Variants in TLN2 observed in about 807,000 individuals in gnomAD.
The protein encoded by TLN2 is talin 2.
In TLN2, 118 loss-of-function variants were observed where a neutral mutation model predicts 294.7. That is an observed-to-expected ratio of 0.40 (90% CI 0.34 to 0.47). The LOEUF (loss-of-function observed/expected upper bound fraction) is 0.47, where lower values mean the gene tolerates loss of function less well. Among genes scored for constraint, TLN2 ranks in the 20% least tolerant of loss-of-function variants. The pLI, the probability that TLN2 is intolerant of heterozygous loss-of-function variation, is 0.84. For synonymous variants in TLN2, 1,431 were observed against 1,304.5 expected, an observed-to-expected ratio of 1.10 and a Z score of -2.09; for missense variants, 3,083 against 3,282.2, an observed-to-expected ratio of 0.94 and a Z score of 1.48.
chr15:62,670,393 C>G (rs1045213962), intron 9 of TLN2, among the ~76,000 whole-genome samples: 3 of 152,196 alleles, frequency 2.0e-5, no homozygotes, highest in Non-Finnish European at 4.4e-5. Context: ...AAGTCTTTAC[C>G]TCTCTGAAAC....
In TLN2 at chr15:62,652,256, G is replaced by C. The variant is rs564090118; in HGVS notation, c.364+122G>C. The C allele has an allele frequency of 5.9e-5, 62 of 1,050,422 alleles. No individual in the cohort carries two copies. The African/African-American group carries it at 7.4e-4, about 13-fold the overall frequency. The allele number at this position is 1,050,422 out of a possible 1,614,324, so 65.1% of individuals were successfully genotyped here. ...AATGTGTCTTAACACGCCGAGTTCTGCCTAATCCCCAGAGGGTGTGTCCAT... is the reference window on the plus strand; with the variant it reads ...AATGTGTCTTAACACGCCGAGTTCTCCCTAATCCCCAGAGGGTGTGTCCAT... On this transcript the variant is annotated intron_variant, in intron 6 of 58. Coordinates refer to ENST00000636159, the MANE Select transcript of TLN2 (RefSeq NM_015059.3).
chr15:62,656,915 C>T (rs2053273393), intron 8 of TLN2, among the ~76,000 whole-genome samples: 1 of 152,154 alleles, frequency 6.6e-6, no homozygotes, highest in African/African-American at 2.4e-5. Context: ...GACTGTGTGG[C>T]CCAGGAGGTT....
intron 46 of TLN2, among the ~76,000 whole-genome samples, chr15:62,793,219 G>A (rs1361629654): frequency 2.6e-5 from 4 of 152,222 alleles, no homozygotes; most frequent in Non-Finnish European, 4.4e-5. Flanking sequence ...AATCCCTTTG[G>A]TGTAACCTCT....
chr15:62,740,234 C>T (rs2061251406), intron 31 of TLN2, among the ~76,000 whole-genome samples: 1 of 152,082 alleles, frequency 6.6e-6, no homozygotes, highest in Non-Finnish European at 1.5e-5. Flanking sequence ...TCGTTTGTGC[C>T]AGGCCGAGAT....
chr15:62,705,522 G>A (rs1021383116), intron 19 of TLN2, among the ~76,000 whole-genome samples: 15 of 152,076 alleles, frequency 9.9e-5, no homozygotes, highest in African/African-American at 3.4e-4. Context: ...ATTAATAAGA[G>A]GAACAGGATT....
chr15:62,591,986 G>C (rs1205090245), intron 2 of TLN2, among the ~76,000 whole-genome samples: 1 of 152,086 alleles, frequency 6.6e-6, no homozygotes, highest in Admixed American at 6.5e-5. Context: ...GATCTATGCC[G>C]TTACCAAGAC....
Position 62,842,770 on chromosome 15 carries a change from T to C in TLN2, c.*2160T>C, listed in dbSNP as rs965419173. 9.2e-5 allele frequency: 14 copies of C among 152,184 alleles called. No individual in the cohort carries two copies. Among genetic ancestry groups the C allele is most frequent in the Non-Finnish European group, 1.6e-4 (11 of 68,034 alleles). 9.4% of individuals were successfully genotyped at this position (152,184 alleles called of 1,614,324 possible). On this transcript the variant is annotated 3_prime_UTR_variant, in exon 59 of 59. Transcript: ENST00000636159. ...CTCTAAAGAACAGGCATCGAAAGTT[T>C]ATTTTTGTAGGAGCTATATAAATAC...
chr15:62,656,110 C>T (rs2053176354), intron 8 of TLN2, 24 bp downstream of exon 8: 1 of 1,609,152 alleles, frequency 6.2e-7, no homozygotes, highest in South Asian at 1.1e-5. Flanking sequence ...TGCTCAGACA[C>T]TGAGGTTGGT....
At chr15:62,491,349 TATAC>T (rs1262247698) in intron 1 of TLN2, among the ~76,000 whole-genome samples, 234 of 84,548 alleles carry the variant, frequency 2.8e-3, no homozygotes, top group African/African-American at 8.2e-3. Flanking sequence ...TATATATATA[TATAC>T]ACACACACAC....
intron 3 of TLN2, among the ~76,000 whole-genome samples, chr15:62,619,051 G>A (rs2048547344): frequency 6.6e-6 from 1 of 151,972 alleles, no homozygotes; most frequent in Non-Finnish European, 1.5e-5. Context: ...TCTTAGTTTG[G>A]ATTAATTTAT....
rs570501990 is a variant in TLN2, at chr15:62,625,083, C to G, written c.-37+6608C>G. On this transcript the variant is annotated intron_variant, in intron 3 of 58. Transcript: ENST00000636159. ...GGGTGTGTGTTATTGTGCTGGAAGT[C>G]AAGGCTGATGTGAGCGTATTGGTGG... Among the ~76,000 whole-genome samples the G allele has an allele frequency of 1.1e-4, 17 of 152,242 alleles. No individual in the cohort carries two copies. In the South Asian group the frequency reaches 3.5e-3, roughly 32 times the overall value.
intron 20 of TLN2, among the ~76,000 whole-genome samples, 191 bp downstream of exon 20, chr15:62,707,444 C>T (rs2059139637): frequency 1.3e-5 from 2 of 152,204 alleles, no homozygotes; most frequent in South Asian, 4.1e-4. Flanking sequence ...TTGTTCTTTG[C>T]CCAAGTCCTC....
At position 62,809,928 on chromosome 15, in the gene TLN2, G is replaced by A; in HGVS notation, c.6667G>A (p.Ala2223Thr). The change falls in exon 52 of 59, where the codon GCA becomes ACA. Residue 2223 changes from alanine (A) to threonine (T), a missense_variant. Transcript: ENST00000636159. ...CAGCATTCCTTTCTCTCTCCAGCAA[G>A]CATCCTTCCACCCCGATGTCAGTGA... is the stretch of plus-strand genomic sequence containing the variant. ...VSDMLTACKQASFHPDVSDEV... is the reference protein window; with the variant it reads ...VSDMLTACKQTSFHPDVSDEV... 6.2e-7 allele frequency: 1 copy of A among 1,614,066 alleles called. No homozygotes were observed. The highest frequency in any genetic ancestry group is 1.1e-5 in the South Asian group (1 of 91,054).
intron 1 of TLN2, among the ~76,000 whole-genome samples, chr15:62,415,725 G>A (rs781566732): frequency 1.3e-5 from 2 of 152,202 alleles, no homozygotes; most frequent in Non-Finnish European, 2.9e-5. Context: ...GTGGGCTCAC[G>A]GTCGCTGGGT....
In TLN2 at chr15:62,751,358, C is replaced by G. The variant is rs1191255423; in HGVS notation, c.4209+867C>G. 3.3e-5 allele frequency among the ~76,000 whole-genome samples: 5 copies of G among 152,276 alleles called. No homozygotes were observed. The East Asian group carries it at 5.8e-4, about 18-fold the overall frequency. ...TCAAAAGGACTCTGTTTGATTTGGGCTAAAACTAGAATTTCCTCATCCAGT... is the reference window on the plus strand; with the variant it reads ...TCAAAAGGACTCTGTTTGATTTGGGGTAAAACTAGAATTTCCTCATCCAGT... On this transcript the variant is annotated intron_variant, in intron 34 of 58. Transcript: ENST00000636159.
intron 52 of TLN2, among the ~76,000 whole-genome samples, chr15:62,813,415 A>T (rs755491370): frequency 3.9e-5 from 6 of 152,220 alleles, no homozygotes; most frequent in African/African-American, 7.2e-5. Context: ...AAATGAAATC[A>T]CTAATAGGAA....
At position 62,644,443 on chromosome 15, in the gene TLN2, C is replaced by A. The variant is rs970329950; in HGVS notation, c.-36-2832C>A. ...TAGGTGGTCTTTCTAGCCCCTCCCA[C>A]CCAGTTCTCTCTCCATCTTTGCGTT... On this transcript the variant is annotated intron_variant, in intron 3 of 58. Transcript: ENST00000636159. 6.6e-6 allele frequency: 3 copies of A among 454,962 alleles called. No homozygotes were observed. In the Admixed American group the frequency reaches 7.1e-5, roughly 11 times the overall value. The allele number at this position is 454,962 out of a possible 1,614,324, so 28.2% of individuals were successfully genotyped here.
intron 4 of TLN2, among the ~76,000 whole-genome samples, chr15:62,649,606 T>C (rs970169939): frequency 1.3e-5 from 2 of 152,250 alleles, no homozygotes; most frequent in Admixed American, 6.5e-5. Context: ...ACCTCTCTTT[T>C]ACACCGCTCA....
At chr15:62,480,611 G>A (rs2038033222) in intron 1 of TLN2, among the ~76,000 whole-genome samples, 2 of 152,298 alleles carry the variant, frequency 1.3e-5, no homozygotes, top group African/African-American at 4.8e-5. Context: ...AGACAAAGAA[G>A]TAAACATTTA....
Sources: gnomAD v4.1 joint callset for allele counts (sites outside exome capture counted in the v4.1 genomes callset) on GRCh38, gnomAD v4.1.1 for gene constraint, MANE v1.5 for transcripts, NCBI Gene and HGNC (gene_info 2026-07-23, HGNC 2026-07-21) for gene names.